The following PPP2R2B variants were observed in gnomAD, a reference collection of about 807,000 sequenced individuals.
PPP2R2B encodes the protein protein phosphatase 2 regulatory subunit Bbeta, also known as serine/threonine-protein phosphatase 2A 55 kDa regulatory subunit B beta isoform.
A neutral mutation model predicts 46.0 loss-of-function variants in PPP2R2B; 5 were observed. The observed-to-expected ratio is 0.11, with a 90% CI of 0.06 to 0.23. The LOEUF (loss-of-function observed/expected upper bound fraction) is 0.23. Ranked by LOEUF, PPP2R2B falls within the 10% of genes least tolerant of loss-of-function variation. PPP2R2B has a pLI of 1.00. For missense variants in PPP2R2B, 367 were observed against 575.0 expected, an observed-to-expected ratio of 0.64 and a Z score of 3.70; for synonymous variants, 215 against 206.7, an observed-to-expected ratio of 1.04 and a Z score of -0.34.
chr5:146,680,427 G>A (rs1778082101), intron 5 of PPP2R2B, among the ~76,000 whole-genome samples: 2 of 151,280 alleles, frequency 1.3e-5, no homozygotes, highest in African/African-American at 2.4e-5. Context: ...GATAGCATTG[G>A]GAGATATACC....
chr5:146,716,990 T>C (rs1483000562), intron 2 of PPP2R2B, among the ~76,000 whole-genome samples: 2 of 152,238 alleles, frequency 1.3e-5, no homozygotes, highest in Non-Finnish European at 2.9e-5. Flanking sequence ...ATTCTGTGCA[T>C]AGCAAACATG....
intron 1 of PPP2R2B, among the ~76,000 whole-genome samples, chr5:146,957,264 T>C (rs2151839480): frequency 6.6e-6 from 1 of 152,328 alleles, no homozygotes; most frequent in African/African-American, 2.4e-5. Flanking sequence ...GCAATTCTGA[T>C]TTAGATCAAC....
chr5:147,032,458 C>T (rs142847118), intron 1 of PPP2R2B, among the ~76,000 whole-genome samples: 1 of 152,222 alleles, frequency 6.6e-6, no homozygotes, highest in African/African-American at 2.4e-5. Context: ...TCACCTATCA[C>T]CCAAGCAGTA....
chr5:146,794,531 T>C (rs1051613004), intron 2 of PPP2R2B, among the ~76,000 whole-genome samples: 4 of 152,236 alleles, frequency 2.6e-5, no homozygotes, highest in Admixed American at 1.3e-4. Flanking sequence ...TGGGTTGCTA[T>C]GAATGCCCAC....
At chr5:146,724,205 C>A (rs1302809259) in intron 2 of PPP2R2B, among the ~76,000 whole-genome samples, 8 of 152,008 alleles carry the variant, frequency 5.3e-5, no homozygotes, top group Admixed American at 2.6e-4. Flanking sequence ...TTAGGATTCC[C>A]ACATGATTTC....
intron 6 of PPP2R2B, among the ~76,000 whole-genome samples, chr5:146,645,132 T>TA (rs1480235640): frequency 2.0e-5 from 3 of 152,268 alleles, no homozygotes; most frequent in Non-Finnish European, 4.4e-5. Context: ...TAGAAAATAG[T>TA]AATATCTTTG....
At chr5:146,863,226 A>G (rs1032037296) in intron 2 of PPP2R2B, among the ~76,000 whole-genome samples, 2 of 152,152 alleles carry the variant, frequency 1.3e-5, no homozygotes, top group African/African-American at 2.4e-5. Flanking sequence ...AAAACATAGT[A>G]TGTCAGTTTC....
intron 1 of PPP2R2B, among the ~76,000 whole-genome samples, chr5:147,019,389 A>G (rs1015760286): frequency 2.0e-5 from 3 of 152,190 alleles, no homozygotes; most frequent in African/African-American, 7.2e-5. Flanking sequence ...AAGAAAGTTA[A>G]TAAGATCATC....
At chr5:147,018,039 GCGCGCACACACACA>G (rs1168542208) in intron 1 of PPP2R2B, among the ~76,000 whole-genome samples, 781 of 64,948 alleles carry the variant, frequency 0.012, 5 homozygotes, top group African/African-American at 0.032. Flanking sequence ...ACATGCATGC[GCGCGCACACACACA>G]CACACACACA....
At chr5:146,598,854 C>T (rs769970791) in intron 8 of PPP2R2B, among the ~76,000 whole-genome samples, 1 of 152,132 alleles carries the variant, frequency 6.6e-6, no homozygotes, top group Non-Finnish European at 1.5e-5. Flanking sequence ...TTCTCCTCCC[C>T]AGCACAACCA....
chr5:146,815,159 T>A (rs1198990537), intron 2 of PPP2R2B, among the ~76,000 whole-genome samples: 1 of 152,242 alleles, frequency 6.6e-6, no homozygotes, highest in Non-Finnish European at 1.5e-5. Flanking sequence ...TACACTAGTC[T>A]GCTGGGGGAA....
chr5:146,942,113 T>G (rs1350441602), intron 1 of PPP2R2B, among the ~76,000 whole-genome samples: 3 of 152,174 alleles, frequency 2.0e-5, no homozygotes, highest in Non-Finnish European at 2.9e-5. Flanking sequence ...GATCTCATTT[T>G]AACTTGATTT....
chr5:146,913,075 C>G (rs370269821), intron 1 of PPP2R2B, among the ~76,000 whole-genome samples: 1 of 152,296 alleles, frequency 6.6e-6, no homozygotes, highest in East Asian at 1.9e-4. Flanking sequence ...TGGAATGCAG[C>G]TGTCCTCTGG....
chr5:146,951,717 T>C (rs750944367), intron 1 of PPP2R2B, among the ~76,000 whole-genome samples: 36 of 152,156 alleles, frequency 2.4e-4, no homozygotes, highest in Admixed American at 2.6e-4. Flanking sequence ...TGCATAATAT[T>C]GCATGGTATA....
At chr5:146,789,570 G>A (rs1191405972) in intron 2 of PPP2R2B, among the ~76,000 whole-genome samples, 1 of 152,058 alleles carries the variant, frequency 6.6e-6, no homozygotes. Context: ...CATTTACTGA[G>A]CATTTACTAT....
intron 1 of PPP2R2B, among the ~76,000 whole-genome samples, chr5:146,893,195 A>G (rs1169038436): frequency 6.6e-6 from 1 of 152,190 alleles, no homozygotes; most frequent in Admixed American, 6.5e-5. Flanking sequence ...TTCAGTAACT[A>G]CTGTCTCCTA....
chr5:146,949,562 T>C (rs1176768049), intron 1 of PPP2R2B, among the ~76,000 whole-genome samples: 1 of 152,092 alleles, frequency 6.6e-6, no homozygotes, highest in Non-Finnish European at 1.5e-5. Flanking sequence ...CTTATGCTGT[T>C]GGTGGGGATG....
chr5:146,880,696 C>T (rs1163481559), upstream of PPP2R2B, among the ~76,000 whole-genome samples: 1 of 152,160 alleles, frequency 6.6e-6, no homozygotes, highest in Non-Finnish European at 1.5e-5. Context: ...GGCTCATTGG[C>T]CAGGCTGTGC....
intron 2 of PPP2R2B, among the ~76,000 whole-genome samples, chr5:146,756,289 T>C (rs1753826713): frequency 1.3e-5 from 2 of 152,202 alleles, no homozygotes; most frequent in Non-Finnish European, 2.9e-5. Context: ...AGAGGGGCTC[T>C]TAATTATCCT....
Sources: allele counts gnomAD v4.1 joint callset (sites outside exome capture counted in the v4.1 genomes callset), GRCh38; gene constraint gnomAD v4.1.1; transcripts MANE v1.5; gene names NCBI Gene and HGNC (gene_info 2026-07-23, HGNC 2026-07-21).